FAM149B1: variants seen among roughly 807,000 people sequenced by gnomAD.
FAM149B1 encodes the protein primary cilium assembly protein FAM149B1.
FAM149B1 carries 56 observed loss-of-function variants against 75.3 expected under a neutral mutation model. That is an observed-to-expected ratio of 0.74 (90% CI 0.60 to 0.93). The LOEUF (loss-of-function observed/expected upper bound fraction) is 0.93. Ranked by LOEUF, FAM149B1 falls within the 40% of genes least tolerant of loss-of-function variation. FAM149B1 has a pLI of 0.00. For synonymous variants in FAM149B1, 259 were observed against 256.1 expected (o/e 1.01, Z -0.11); for missense variants, 639 against 708.4 (o/e 0.90, Z 1.11).
chr10:73,204,237 G>A (rs2133357361), intron 5 of FAM149B1, among the ~76,000 whole-genome samples: 1 of 152,212 alleles, frequency 6.6e-6, no homozygotes, highest in East Asian at 1.9e-4. Context: ...CAATTCTCCT[G>A]TCTCAGCCTC....
chr10:73,200,926 G>T, intron 5 of FAM149B1: 1 of 468,074 alleles, frequency 2.1e-6, no homozygotes, highest in South Asian at 1.7e-5. Flanking sequence ...TGGCGACATG[G>T]ACCAGAAGGA....
intron 7 of FAM149B1, among the ~76,000 whole-genome samples, chr10:73,212,858 T>A (rs1479698696): frequency 6.6e-6 from 1 of 150,838 alleles, no homozygotes; most frequent in South Asian, 2.2e-4. Context: ...TCTCTCTCTC[T>A]CTGTGTTTCT....
intron 1 of FAM149B1, among the ~76,000 whole-genome samples, chr10:73,172,428 C>T (rs187906799): frequency 9.8e-5 from 15 of 152,320 alleles, no homozygotes; most frequent in Admixed American, 4.6e-4. Flanking sequence ...TTGGCTTCAT[C>T]GCTTACTAAC....
rs559604779 is a variant in FAM149B1, at chr10:73,192,540, G to T, written c.283-16G>T. On this transcript the variant is annotated splice_polypyrimidine_tract_variant and intron_variant, in intron 3 of 13. Transcript: ENST00000242505. Reference sequence around the variant, plus strand: ...ATCAGCTCACCTAAATATTTGGGGGGAATATTTTCTTCTAGGAACTCGATC... The same window carrying T: ...ATCAGCTCACCTAAATATTTGGGGGTAATATTTTCTTCTAGGAACTCGATC... The T allele has an allele frequency of 6.5e-7, 1 of 1,547,966 alleles. No homozygotes were observed. The highest frequency in any genetic ancestry group is 1.4e-5 in the African/African-American group (1 of 72,934).
chr10:73,225,653 A>G (rs2043524432), intron 7 of FAM149B1, among the ~76,000 whole-genome samples: 1 of 152,206 alleles, frequency 6.6e-6, no homozygotes, highest in South Asian at 2.1e-4. Context: ...CTAAATGTAC[A>G]GTGTTTATAG....
At chr10:73,220,139 A>G (rs2043377392) in intron 7 of FAM149B1, among the ~76,000 whole-genome samples, 1 of 152,076 alleles carries the variant, frequency 6.6e-6, no homozygotes, top group African/African-American at 2.4e-5. Flanking sequence ...TAAGCACATG[A>G]AAGACGCTGT....
At chr10:73,197,382 A>G (rs996240898) in intron 5 of FAM149B1, among the ~76,000 whole-genome samples, 1 of 152,230 alleles carries the variant, frequency 6.6e-6, no homozygotes, top group Non-Finnish European at 1.5e-5. Context: ...TAATGTATGC[A>G]TTGAAATTAT....
intron 9 of FAM149B1, among the ~76,000 whole-genome samples, chr10:73,232,406 G>C (rs1381957378): frequency 6.6e-6 from 1 of 152,148 alleles, no homozygotes; most frequent in Non-Finnish European, 1.5e-5. Flanking sequence ...CCCACTCCCA[G>C]CTTTCCAAAG....
rs1589150358 is a variant in FAM149B1 at position 73,192,573 on chromosome 10, C to T, written c.300C>T (p.Ala100=). The change falls in exon 4 of 14, where the codon GCC becomes GCT. Residue 100 remains alanine, a synonymous_variant. Coordinates refer to ENST00000242505, the MANE Select transcript of FAM149B1 (RefSeq NM_173348.2). The stretch of plus-strand genomic sequence containing the variant: ...TCTTCTAGGAACTCGATCAAAATGC[C>T]ACTGAAAAAGTCCAGACAATGTTCA... ...SWGYGELDQN[A]TEKVQTMFTA... is the part of the protein sequence containing the mutation. 6.4e-7 allele frequency: 1 copy of T among 1,550,568 alleles called. No homozygotes were observed. The highest frequency in any genetic ancestry group is 8.7e-7 in the Non-Finnish European group (1 of 1,146,698).
chr10:73,240,819 A>G (rs1189322148), intron 13 of FAM149B1, 127 bp from the exon 14 acceptor site: 3 of 626,756 alleles, frequency 4.8e-6, no homozygotes, highest in South Asian at 1.9e-5. Flanking sequence ...CTACAAAACT[A>G]GTTTACTGCT....
chr10:73,234,869 A>G lies in FAM149B1; in HGVS notation c.1405A>G (p.Asn469Asp), dbSNP rs1472429908. 4 of 1,551,726 alleles carry G rather than the reference A, an allele frequency of 2.6e-6. No individual in the cohort carries two copies. The East Asian group carries it at 9.8e-5, about 38-fold the overall frequency. ...SSPSPTPLSR[N>D]NLLPPIGTAE... is the part of the protein sequence containing the mutation. ...TCCCTCACCGACGCCCCTGAGTCGA[A>G]ATAATCTGCTACCACCTATTGGCAC... The change falls in exon 11 of 14, where the codon AAT (asparagine) becomes GAT (aspartate). Residue 469 changes from asparagine to aspartate, a missense_variant. Asn to Asp is a conservative substitution (Grantham distance 23). Coordinates refer to ENST00000242505, the MANE Select transcript of FAM149B1 (RefSeq NM_173348.2).
intron 3 of FAM149B1, among the ~76,000 whole-genome samples, chr10:73,188,331 A>C (rs1416022247): frequency 2.0e-5 from 3 of 152,226 alleles, no homozygotes; most frequent in Admixed American, 2.0e-4. Flanking sequence ...ATGAATTATA[A>C]ACTTAAATAT....
intron 3 of FAM149B1, among the ~76,000 whole-genome samples, chr10:73,187,391 TAAA>T (rs773682735): frequency 1.7e-4 from 14 of 80,990 alleles, no homozygotes; most frequent in African/African-American, 3.4e-4. Context: ...TCCAGATTAG[TAAA>T]AAAAAAAAAA....
chr10:73,238,214 G>C (rs1423765571), intron 12 of FAM149B1, among the ~76,000 whole-genome samples: 1 of 152,120 alleles, frequency 6.6e-6, no homozygotes, highest in African/African-American at 2.4e-5. Context: ...AGGCATGGTG[G>C]TGCATGCCTG....
chr10:73,208,572 T>C (rs761556756), intron 5 of FAM149B1, 47 bp from the exon 6 acceptor site: 2 of 1,329,144 alleles, frequency 1.5e-6, no homozygotes, highest in South Asian at 1.6e-5. Flanking sequence ...CCATAAGAAC[T>C]GTTTATGTTT....
intron 3 of FAM149B1, among the ~76,000 whole-genome samples, chr10:73,189,457 A>C (rs770029899): frequency 6.6e-6 from 1 of 152,254 alleles, no homozygotes; most frequent in Non-Finnish European, 1.5e-5. Context: ...AGCTTTATTC[A>C]TAACAAACAA....
At chr10:73,178,991 A>C (rs899282959) in intron 3 of FAM149B1, among the ~76,000 whole-genome samples, 2 of 151,422 alleles carry the variant, frequency 1.3e-5, no homozygotes, top group Admixed American at 6.6e-5. Context: ...TTTGGAACGG[A>C]GTCTCGCTCT....
chr10:73,237,459 C>T lies in FAM149B1; in HGVS notation c.1603-1853C>T, dbSNP rs572091177. 9.9e-5 allele frequency among the ~76,000 whole-genome samples: 15 copies of T among 152,172 alleles called. No homozygotes were observed. The East Asian group carries it at 2.9e-3, about 29-fold the overall frequency. On this transcript the variant is annotated intron_variant, in intron 12 of 13. Transcript: ENST00000242505. ...TGAGACGGAGTCTTACTCTGTCGCC[C>T]AGGCTAGAGTGCTGTGGTGCAATCT...
Position 73,195,687 on chromosome 10 carries a change from C to A in FAM149B1, c.542+2094C>A, listed in dbSNP as rs550793605. Among the ~76,000 whole-genome samples, 4 of 152,296 alleles carry A rather than the reference C, an allele frequency of 2.6e-5. No individual in the cohort carries two copies. The East Asian group carries it at 7.7e-4, about 29-fold the overall frequency. On this transcript the variant is annotated intron_variant, in intron 5 of 13. Coordinates refer to ENST00000242505, the MANE Select transcript of FAM149B1 (RefSeq NM_173348.2). ...GACTATATCACCATTCTGCAACATA[C>A]TGCTAATACCCTTTCTTTCCTTTTT...
Sources: allele counts gnomAD v4.1 joint callset (sites outside exome capture counted in the v4.1 genomes callset), GRCh38; gene constraint gnomAD v4.1.1; transcripts MANE v1.5; gene names NCBI Gene and HGNC (gene_info 2026-07-23, HGNC 2026-07-21).